ZMYND8: variants seen among roughly 807,000 people sequenced by gnomAD.
ZMYND8 encodes the protein zinc finger MYND-type containing 8, also known as MYND-type zinc finger-containing chromatin reader ZMYND8.
Under a neutral mutation model 140.8 loss-of-function variants are expected in ZMYND8, and 37 were observed. The ratio of observed to expected loss-of-function variants is 0.26; its 90% CI spans 0.20 to 0.35. The LOEUF (loss-of-function observed/expected upper bound fraction) is 0.35, where lower values mean the gene tolerates loss of function less well. ZMYND8 is among the 10% of genes least tolerant of loss of function. ZMYND8 has a pLI of 1.00. For synonymous variants in ZMYND8, 592 were observed against 597.1 expected, an observed-to-expected ratio of 0.99 and a Z score of 0.12; for missense variants, 1,068 against 1,570.0, an observed-to-expected ratio of 0.68 and a Z score of 5.40.
intron 21 of ZMYND8, among the ~76,000 whole-genome samples, chr20:47,215,155 C>A (rs1341416476): frequency 6.6e-6 from 1 of 152,134 alleles, no homozygotes; most frequent in African/African-American, 2.4e-5. Flanking sequence ...GGTGGATTGC[C>A]TGAGCTCAGG....
At chr20:47,323,734 C>T (rs1379214536) in intron 2 of ZMYND8, among the ~76,000 whole-genome samples, 1 of 152,126 alleles carries the variant, frequency 6.6e-6, no homozygotes, top group Non-Finnish European at 1.5e-5. Flanking sequence ...AGCCCCACCC[C>T]ACCTCCACTG....
chr20:47,339,424 G>A (rs1347235162), intron 2 of ZMYND8, among the ~76,000 whole-genome samples: 1 of 152,184 alleles, frequency 6.6e-6, no homozygotes, highest in East Asian at 1.9e-4. Context: ...AAAATTCACT[G>A]TCTCTAAGTT....
rs1224394035 is a variant in ZMYND8 at position 47,309,526 on chromosome 20, C to A, written c.234+530G>T. Among the ~76,000 whole-genome samples the A allele has an allele frequency of 4.6e-5, 7 of 152,112 alleles. No homozygotes were observed. The East Asian group carries it at 1.3e-3, about 29-fold the overall frequency. ...GTTTCACCAGGTTGGCCAGGATGGT[C>A]TCAATCTCTTGACCTCGTGATCGAC... is the stretch of plus-strand genomic sequence containing the variant. On this transcript the variant is annotated intron_variant, in intron 3 of 22. Coordinates refer to ENST00000471951, the MANE Select transcript of ZMYND8 (RefSeq NM_001281775.3).
chr20:47,304,950 A>T (rs1227938383), intron 3 of ZMYND8, among the ~76,000 whole-genome samples: 1 of 152,194 alleles, frequency 6.6e-6, no homozygotes. Flanking sequence ...GCCCAACAAA[A>T]GACTTCTGTG....
At chr20:47,338,846 T>C (rs1180115898) in intron 2 of ZMYND8, among the ~76,000 whole-genome samples, 1 of 152,034 alleles carries the variant, frequency 6.6e-6, no homozygotes, top group Non-Finnish European at 1.5e-5. Flanking sequence ...CTTCTTCAAA[T>C]GTCACAGAGG....
intron 13 of ZMYND8, among the ~76,000 whole-genome samples, chr20:47,248,855 G>C (rs2073939384): frequency 2.0e-5 from 3 of 152,346 alleles, no homozygotes; most frequent in Admixed American, 2.0e-4. Context: ...AGGAAGAAAG[G>C]CAACAGCTAC....
chr20:47,309,238 G>A (rs1051809530), intron 3 of ZMYND8, among the ~76,000 whole-genome samples: 2 of 152,086 alleles, frequency 1.3e-5, no homozygotes, highest in African/African-American at 2.4e-5. Flanking sequence ...GTGCTTCCAC[G>A]AAAAGGAACT....
rs187018862 is a variant in ZMYND8, at chr20:47,298,034, G to C, written c.453+695C>G. 1.0e-3 allele frequency among the ~76,000 whole-genome samples: 158 copies of C among 152,280 alleles called. No homozygotes were observed. Among genetic ancestry groups the C allele is most frequent in the African/African-American group, 3.7e-3 (153 of 41,566 alleles). On this transcript the variant is annotated intron_variant, in intron 4 of 22. Transcript: ENST00000471951. The surrounding 1 kb of genome is among the most constrained non-coding windows in gnomAD (Gnocchi z 5.0). ...CAAGTCTTTCTCAAATTTTAGTGAG[G>C]CTTTCCCAGACCACCACATTCAAAA...
At chr20:47,238,671 A>C (rs1264509021) in intron 15 of ZMYND8, 87 bp downstream of exon 15, 4 of 1,542,002 alleles carry the variant, frequency 2.6e-6, no homozygotes, top group Non-Finnish European at 3.5e-6. Context: ...GAACTAAAAA[A>C]AAAAAATAAA....
At chr20:47,273,241 G>T (rs2076065795) in intron 11 of ZMYND8, among the ~76,000 whole-genome samples, 1 of 152,164 alleles carries the variant, frequency 6.6e-6, no homozygotes, top group African/African-American at 2.4e-5. Flanking sequence ...GGGGGGAAAA[G>T]AATTAATAGC....
intron 12 of ZMYND8, among the ~76,000 whole-genome samples, chr20:47,261,576 TCATCATCATCATCATC>T (rs1569025779): frequency 2.0e-5 from 3 of 151,536 alleles, no homozygotes; most frequent in Non-Finnish European, 2.9e-5. Flanking sequence ...ATCATCATCA[TCATCATCATCATCATC>T]ATCCAGGGAA....
rs371496778 is a variant in ZMYND8, at chr20:47,236,582, G to A, written c.2666-66C>T. 539 of 1,441,964 alleles carry A rather than the reference G, an allele frequency of 3.7e-4. 7 individuals carry two copies. In the South Asian group the frequency reaches 7.4e-3, roughly 20 times the overall value. 89.3% of individuals were successfully genotyped at this position (1,441,964 alleles called of 1,614,324 possible). A position where few individuals can be genotyped will look rare whatever the true frequency, so the allele number is the denominator to read the frequency against. On this transcript the variant is annotated intron_variant, in intron 15 of 22. Transcript: ENST00000471951. ...ACCCATCCCAGCACAAAGCTGTGGT[G>A]TAGAAGCAAAGCCCCTAATAGACAT... is the stretch of plus-strand genomic sequence containing the variant.
chr20:47,343,908 G>A (rs2082120276), intron 2 of ZMYND8, among the ~76,000 whole-genome samples: 1 of 150,474 alleles, frequency 6.6e-6, no homozygotes, highest in Non-Finnish European at 1.5e-5. Context: ...AGGATGGAAA[G>A]AGAAGAAAGA....
intron 21 of ZMYND8, among the ~76,000 whole-genome samples, chr20:47,215,111 G>A (rs1189288831): frequency 1.3e-5 from 2 of 152,142 alleles, no homozygotes; most frequent in East Asian, 1.9e-4. Context: ...GGTGGCTCAC[G>A]CCTGTAATCC....
intron 17 of ZMYND8, among the ~76,000 whole-genome samples, chr20:47,227,516 C>A (rs2037867711): frequency 1.3e-5 from 2 of 152,160 alleles, no homozygotes; most frequent in African/African-American, 4.8e-5. Flanking sequence ...CGAGGGAAAG[C>A]CACTTAAAGT....
intron 21 of ZMYND8, among the ~76,000 whole-genome samples, chr20:47,217,735 C>T (rs1163566352): frequency 6.6e-6 from 1 of 152,180 alleles, no homozygotes; most frequent in African/African-American, 2.4e-5. Context: ...CTCTTACAGA[C>T]ATTGGGGAAA....
chr20:47,276,447 C>T lies in ZMYND8; in HGVS notation c.1347G>A (p.Met449Ile), dbSNP rs781049527. Residue 449 changes from methionine (M) to isoleucine (I), a missense_variant, in exon 11 of 23, where the codon ATG (methionine) becomes ATA (isoleucine). Physicochemically the swap from Met to Ile is conservative, Grantham distance 10 (BLOSUM62 1). This residue lies in a region of ZMYND8 where 173 missense variants were observed against 223.3 expected (regional missense o/e 0.77). Transcript: ENST00000471951. ...AGTTTGTGCTCATGGGGGAGCGCGG[C>T]ATATCCGACAAGGAAATCCGGCGGC... ...GTGRRISLSD[M>I]PRSPMSTNSS... is the part of the protein sequence containing the mutation. The T allele has an allele frequency of 1.2e-6, 2 of 1,614,176 alleles. No individual in the cohort carries two copies. Among genetic ancestry groups the T allele is most frequent in the Admixed American group, 3.3e-5 (2 of 60,014 alleles).
chr20:47,213,674 T>C (rs1237495504), intron 21 of ZMYND8, among the ~76,000 whole-genome samples: 2 of 152,208 alleles, frequency 1.3e-5, no homozygotes, highest in Non-Finnish European at 2.9e-5. Flanking sequence ...CAAGAGATAC[T>C]GTCTGTAGCA....
At chr20:47,252,371 T>C (rs1052715425) in intron 12 of ZMYND8, among the ~76,000 whole-genome samples, 1 of 149,720 alleles carries the variant, frequency 6.7e-6, no homozygotes, top group Non-Finnish European at 1.5e-5. Flanking sequence ...CTGAGTTGCA[T>C]GCAAATGTGA....
Sources: allele counts gnomAD v4.1 joint callset (sites outside exome capture counted in the v4.1 genomes callset), GRCh38; gene constraint gnomAD v4.1.1; regional missense constraint gnomAD v4.1.1; non-coding constraint Gnocchi (gnomAD v3.1); transcripts MANE v1.5; gene names NCBI Gene and HGNC (gene_info 2026-07-23, HGNC 2026-07-21).